AK5: variants seen among roughly 807,000 people sequenced by gnomAD.
The protein encoded by AK5 is adenylate kinase isoenzyme 5.
A neutral mutation model predicts 69.5 loss-of-function variants in AK5; 27 were observed. The observed-to-expected ratio is 0.39, with a 90% CI of 0.29 to 0.54. AK5 has a LOEUF of 0.54. Ranked by LOEUF, AK5 falls within the 20% of genes least tolerant of loss-of-function variation. The pLI is 0.71. For missense variants in AK5, 531 were observed against 700.4 expected, an observed-to-expected ratio of 0.76 and a Z score of 2.73; for synonymous variants, 260 against 244.4, an observed-to-expected ratio of 1.06 and a Z score of -0.60.
chr1:77,523,710 T>G lies in AK5; in HGVS notation c.1428+1767T>G, dbSNP rs940892789. On this transcript the variant is annotated intron_variant, in intron 12 of 13. Coordinates refer to ENST00000354567, the MANE Select transcript of AK5 (RefSeq NM_174858.3). The stretch of plus-strand genomic sequence containing the variant: ...TTTTTGGAGACAAGGTTTTGCCCTG[T>G]TGCCCTGGCTGGAGTGCAGTGGTGC... Among the ~76,000 whole-genome samples, 4 of 152,178 alleles carry G rather than the reference T, an allele frequency of 2.6e-5. No homozygotes were observed. The East Asian group carries it at 7.7e-4, about 29-fold the overall frequency.
intron 13 of AK5, among the ~76,000 whole-genome samples, chr1:77,540,134 G>A (rs967957096): frequency 1.6e-4 from 24 of 152,214 alleles, no homozygotes; most frequent in African/African-American, 4.3e-4. Context: ...TAAGGAAAGT[G>A]CAGCAAAATT....
chr1:77,552,608 A>G (rs1659877249), intron 13 of AK5, among the ~76,000 whole-genome samples: 1 of 152,230 alleles, frequency 6.6e-6, no homozygotes, highest in Non-Finnish European at 1.5e-5. Flanking sequence ...GGTTGTTGTA[A>G]TGAGCAAATG....
intron 5 of AK5, among the ~76,000 whole-genome samples, chr1:77,323,262 G>A (rs1660629000): frequency 6.6e-6 from 1 of 152,142 alleles, no homozygotes; most frequent in South Asian, 2.1e-4. Flanking sequence ...AAAGTGCTGG[G>A]ATTATAGGTG....
intron 13 of AK5, among the ~76,000 whole-genome samples, chr1:77,537,281 A>T (rs1252144484): frequency 6.6e-6 from 1 of 152,136 alleles, no homozygotes; most frequent in Non-Finnish European, 1.5e-5. Context: ...AGGAAAACCA[A>T]GTAACTCCAC....
At chr1:77,321,719 T>C (rs1179065304) in intron 5 of AK5, among the ~76,000 whole-genome samples, 1 of 152,200 alleles carries the variant, frequency 6.6e-6, no homozygotes, top group Non-Finnish European at 1.5e-5. Context: ...TTTTACCATT[T>C]CTATTTAACG....
intron 8 of AK5, among the ~76,000 whole-genome samples, chr1:77,479,836 A>C (rs1655153065): frequency 6.6e-6 from 1 of 152,166 alleles, no homozygotes; most frequent in Non-Finnish European, 1.5e-5. Context: ...AGGCCAGAAC[A>C]CAAAGAGGCA....
At chr1:77,286,424 G>A (rs972826962) in intron 1 of AK5, among the ~76,000 whole-genome samples, 3 of 150,170 alleles carry the variant, frequency 2.0e-5, no homozygotes, top group African/African-American at 7.4e-5. Flanking sequence ...AACTAATTAG[G>A]CAAGAATTTA....
chr1:77,306,196 G>T lies in AK5; in HGVS notation c.699+8249G>T, dbSNP rs528649440. ...AAAGGCTTCAGTTTTTCCCCATTCA[G>T]TATGATACTAGCTGTGGGTCTGTCC... On this transcript the variant is annotated intron_variant, in intron 5 of 13. Transcript: ENST00000354567. Among the ~76,000 whole-genome samples the T allele has an allele frequency of 3.1e-4, 47 of 152,234 alleles. 1 individual carries two copies. The South Asian group carries it at 8.7e-3, about 28-fold the overall frequency.
At chr1:77,472,989 A>G (rs1654616347) in intron 8 of AK5, among the ~76,000 whole-genome samples, 1 of 151,884 alleles carries the variant, frequency 6.6e-6, no homozygotes, top group South Asian at 2.1e-4. Flanking sequence ...CGCCCAGATA[A>G]TCCAGGATGA....
intron 10 of AK5, among the ~76,000 whole-genome samples, chr1:77,504,065 C>T (rs968668694): frequency 2.6e-5 from 4 of 152,136 alleles, no homozygotes; most frequent in African/African-American, 9.7e-5. Flanking sequence ...AAACATGCAG[C>T]TTTTTCTGTT....
At chr1:77,480,957 G>A (rs2100717578) in intron 8 of AK5, among the ~76,000 whole-genome samples, 1 of 152,342 alleles carries the variant, frequency 6.6e-6, no homozygotes, top group Admixed American at 6.5e-5. Context: ...TAAGAGCTAA[G>A]CAAAGATGTG....
intron 8 of AK5, among the ~76,000 whole-genome samples, chr1:77,465,312 AT>A (rs1402915185): frequency 6.6e-6 from 1 of 152,226 alleles, no homozygotes; most frequent in Admixed American, 6.5e-5. Context: ...GCTGTAATTC[AT>A]TGAAGGCAAT....
chr1:77,325,371 G>T (rs1234604973), intron 5 of AK5, among the ~76,000 whole-genome samples: 1 of 152,014 alleles, frequency 6.6e-6, no homozygotes, highest in Non-Finnish European at 1.5e-5. Flanking sequence ...TCTCACTAAT[G>T]ACTGATAGAA....
At chr1:77,361,863 C>T (rs1423854424) in intron 6 of AK5, among the ~76,000 whole-genome samples, 3 of 152,140 alleles carry the variant, frequency 2.0e-5, no homozygotes, top group African/African-American at 7.2e-5. Context: ...CACCTCCTAC[C>T]GGGTTCCTCC....
At chr1:77,420,909 A>G (rs1470691467) in intron 8 of AK5, among the ~76,000 whole-genome samples, 1 of 152,188 alleles carries the variant, frequency 6.6e-6, no homozygotes, top group Non-Finnish European at 1.5e-5. Context: ...GCAACTACTC[A>G]AACTCTGCCA....
Position 77,287,078 on chromosome 1 carries a change from C to T in AK5, c.198C>T (p.Thr66=). 6.2e-7 allele frequency: 1 copy of T among 1,607,134 alleles called. No homozygotes were observed. Among genetic ancestry groups the T allele is most frequent in the Non-Finnish European group, 8.5e-7 (1 of 1,176,474 alleles). The change falls in exon 2 of 14, where the codon ACC becomes ACT. Residue 66 remains threonine (T), a synonymous_variant. Transcript: ENST00000354567. ...CATTTGTAAGCCAGGAAAAGAAGACCTTACCTCCACTAAATGGAGGACAGT... is the reference window on the plus strand; with the variant it reads ...CATTTGTAAGCCAGGAAAAGAAGACTTTACCTCCACTAAATGGAGGACAGT... ...WDTFVSQEKK[T]LPPLNGGQSR...
chr1:77,356,152 C>G (rs1052921475), intron 6 of AK5, among the ~76,000 whole-genome samples: 1 of 152,020 alleles, frequency 6.6e-6, no homozygotes, highest in African/African-American at 2.4e-5. Flanking sequence ...CTTCTACACT[C>G]GCATAAAGTA....
intron 5 of AK5, among the ~76,000 whole-genome samples, chr1:77,324,921 A>G (rs1660719227): frequency 6.6e-6 from 1 of 151,590 alleles, no homozygotes; most frequent in Admixed American, 6.6e-5. Context: ...TTGAAGCTTG[A>G]ATTCATCATT....
intron 6 of AK5, among the ~76,000 whole-genome samples, chr1:77,372,772 C>CGTGTGTGT (rs34235538): frequency 4.3e-4 from 65 of 149,620 alleles, no homozygotes; most frequent in East Asian, 1.6e-3. Flanking sequence ...TGTGTGTGTG[C>CGTGTGTGT]GTGTGTGTGT....
Sources: gnomAD v4.1 joint callset for allele counts (sites outside exome capture counted in the v4.1 genomes callset) on GRCh38, gnomAD v4.1.1 for gene constraint, MANE v1.5 for transcripts, NCBI Gene and HGNC (gene_info 2026-07-23, HGNC 2026-07-21) for gene names.